The following LPGAT1 variants were observed in gnomAD, a reference collection of about 807,000 sequenced individuals.
The protein encoded by LPGAT1 is acyl-CoA:lysophosphatidylglycerol acyltransferase 1.
LPGAT1 carries 11 observed loss-of-function variants against 47.5 expected under a neutral mutation model. That is an observed-to-expected ratio of 0.23 (90% CI 0.15 to 0.38). The LOEUF is 0.38. Ranked by LOEUF, LPGAT1 falls within the 10% of genes least tolerant of loss-of-function variation. The pLI, the probability that LPGAT1 is intolerant of heterozygous loss-of-function variation, is 1.00. For missense variants in LPGAT1, 293 were observed against 439.0 expected, an observed-to-expected ratio of 0.67 and a Z score of 2.97; for synonymous variants, 138 against 144.2, an observed-to-expected ratio of 0.96 and a Z score of 0.31.
intron 3 of LPGAT1, among the ~76,000 whole-genome samples, chr1:211,788,725 T>C (rs894644582): frequency 1.3e-5 from 2 of 151,914 alleles, no homozygotes; most frequent in Non-Finnish European, 2.9e-5. Flanking sequence ...ATCTAATTAA[T>C]GAATCGGTTA....
chr1:211,799,872 G>C (rs1319711050), intron 2 of LPGAT1, among the ~76,000 whole-genome samples: 1 of 152,102 alleles, frequency 6.6e-6, no homozygotes, highest in East Asian at 1.9e-4. Context: ...TCTTAGCAAA[G>C]AACACTGCTG....
intron 2 of LPGAT1, among the ~76,000 whole-genome samples, chr1:211,799,916 T>A (rs759749950): frequency 9.9e-5 from 15 of 152,180 alleles, no homozygotes; most frequent in Non-Finnish European, 2.2e-4. Context: ...AACCTAAGAC[T>A]ATCTTTCATT....
At chr1:211,785,852 C>G (rs1226818810) in intron 4 of LPGAT1, among the ~76,000 whole-genome samples, 1 of 152,124 alleles carries the variant, frequency 6.6e-6, no homozygotes, top group Non-Finnish European at 1.5e-5. Flanking sequence ...AGCAATCTGT[C>G]CACCTCGGCC....
chr1:211,778,715 C>G (rs1037720592), intron 6 of LPGAT1, among the ~76,000 whole-genome samples: 1 of 152,080 alleles, frequency 6.6e-6, no homozygotes, highest in Non-Finnish European at 1.5e-5. Flanking sequence ...AATCATAGTG[C>G]CTCTAGAATA....
chr1:211,780,871 A>C (rs1197603408), intron 5 of LPGAT1, among the ~76,000 whole-genome samples: 4 of 140,344 alleles, frequency 2.9e-5, no homozygotes, highest in African/African-American at 1.1e-4. Flanking sequence ...ATCCACTGCA[A>C]AATTCTTTCA....
intron 2 of LPGAT1, among the ~76,000 whole-genome samples, chr1:211,795,047 G>A (rs1659291799): frequency 6.6e-6 from 1 of 152,072 alleles, no homozygotes; most frequent in Non-Finnish European, 1.5e-5. Context: ...GCTGGGGGAG[G>A]GGGAAATTGT....
chr1:211,774,996 T>C (rs937541681), intron 6 of LPGAT1, among the ~76,000 whole-genome samples: 1 of 152,148 alleles, frequency 6.6e-6, no homozygotes, highest in Non-Finnish European at 1.5e-5. Context: ...ATTAACACAG[T>C]ATGAAGGGAG....
At chr1:211,803,147 C>T (rs952502695) in intron 2 of LPGAT1, 2 of 152,072 alleles carry the variant, frequency 1.3e-5, no homozygotes, top group East Asian at 1.9e-4. Context: ...TACTTTCAAC[C>T]CAGAATTCTC....
At chr1:211,801,480 G>A (rs1010707732) in intron 2 of LPGAT1, among the ~76,000 whole-genome samples, 3 of 151,902 alleles carry the variant, frequency 2.0e-5, no homozygotes, top group African/African-American at 7.3e-5. Context: ...TAAGGCCGAG[G>A]TGGGAGGACT....
At chr1:211,782,424 A>G (rs1269297127) in intron 5 of LPGAT1, among the ~76,000 whole-genome samples, 2 of 152,214 alleles carry the variant, frequency 1.3e-5, no homozygotes, top group Non-Finnish European at 2.9e-5. Flanking sequence ...ATTGCATTAA[A>G]TTAGTTCTCT....
intron 6 of LPGAT1, among the ~76,000 whole-genome samples, chr1:211,769,266 GC>G (rs1300372349): frequency 6.6e-6 from 1 of 152,080 alleles, no homozygotes; most frequent in Non-Finnish European, 1.5e-5. Flanking sequence ...AAATTTAGAA[GC>G]AAAAAGATTT....
Position 211,830,391 on chromosome 1 carries a change from G to T in LPGAT1, c.-28+182C>A. On this transcript the variant is annotated intron_variant, in intron 1 of 7. Coordinates refer to ENST00000366997, the MANE Select transcript of LPGAT1 (RefSeq NM_014873.3). The surrounding 1 kb of genome is among the most constrained non-coding windows in gnomAD (Gnocchi z 5.9). Reference sequence around the variant, plus strand: ...GACCTGTCACCCGGGCGGGTCCCGGGGAGGCGGGCGGATGCCCCGCGCCCC... The same window carrying T: ...GACCTGTCACCCGGGCGGGTCCCGGTGAGGCGGGCGGATGCCCCGCGCCCC... The T allele has an allele frequency of 1.7e-6, 2 of 1,172,534 alleles. No individual in the cohort carries two copies. The highest frequency in any genetic ancestry group is 8.7e-5 in the South Asian group (2 of 23,028). The allele number at this position is 1,172,534 out of a possible 1,614,324, so 72.6% of individuals were successfully genotyped here.
At chr1:211,777,301 C>T (rs956906262) in intron 6 of LPGAT1, among the ~76,000 whole-genome samples, 8 of 152,174 alleles carry the variant, frequency 5.3e-5, no homozygotes, top group African/African-American at 1.7e-4. Flanking sequence ...TTCATTTGCT[C>T]TCCATTTCTG....
chr1:211,784,120 G>C (rs1277730998), intron 4 of LPGAT1, among the ~76,000 whole-genome samples: 5 of 152,214 alleles, frequency 3.3e-5, no homozygotes, highest in African/African-American at 1.2e-4. Flanking sequence ...ACCAAGGCCA[G>C]TGTGGCTGAA....
intron 6 of LPGAT1, among the ~76,000 whole-genome samples, chr1:211,755,882 G>A (rs1657425875): frequency 6.6e-6 from 1 of 152,134 alleles, no homozygotes; most frequent in East Asian, 1.9e-4. Flanking sequence ...AAGCGTTTTG[G>A]TTGATGAAAT....
intron 3 of LPGAT1, among the ~76,000 whole-genome samples, chr1:211,791,143 C>T (rs889420040): frequency 1.3e-5 from 2 of 152,170 alleles, no homozygotes; most frequent in Admixed American, 6.5e-5. Flanking sequence ...GAGATTATCC[C>T]TCTGCTTTTC....
chr1:211,770,004 A>T (rs1658098603), intron 6 of LPGAT1, among the ~76,000 whole-genome samples: 1 of 152,234 alleles, frequency 6.6e-6, no homozygotes, highest in African/African-American at 2.4e-5. Flanking sequence ...GGACTATTAG[A>T]CATACTAGTG....
At chr1:211,779,943 T>C (rs12046293) in intron 5 of LPGAT1, among the ~76,000 whole-genome samples, 17,335 of 151,038 alleles carry the variant, frequency 0.11, 1,148 homozygotes, top group South Asian at 0.21. Flanking sequence ...TTTGGGAGGC[T>C]GAGGCGGGCA....
chr1:211,800,434 C>A (rs1462759111), intron 2 of LPGAT1, among the ~76,000 whole-genome samples: 1 of 152,114 alleles, frequency 6.6e-6, no homozygotes, highest in Admixed American at 6.6e-5. Flanking sequence ...TAAAACAAAT[C>A]TTTAGAATTC....
Sources: gnomAD v4.1 joint callset for allele counts (sites outside exome capture counted in the v4.1 genomes callset) on GRCh38, gnomAD v4.1.1 for gene constraint, Gnocchi (gnomAD v3.1) non-coding constraint, MANE v1.5 for transcripts, NCBI Gene and HGNC (gene_info 2026-07-23, HGNC 2026-07-21) for gene names.